The following CHN2 variants were observed in gnomAD, a reference collection of about 807,000 sequenced individuals.
The protein encoded by CHN2 is beta-chimaerin.
Under a neutral mutation model 56.3 loss-of-function variants are expected in CHN2, and 35 were observed. That is an observed-to-expected ratio of 0.62 (90% CI 0.47 to 0.82). CHN2 has a LOEUF of 0.82. Ranked by LOEUF, CHN2 falls within the 40% of genes least tolerant of loss-of-function variation. The probability of loss-of-function intolerance (pLI) is 0.00; values close to 1 mark genes in which losing one functional copy is unlikely to be tolerated. For synonymous variants in CHN2, 210 were observed against 212.8 expected (o/e 0.99, Z 0.12); for missense variants, 491 against 580.5 (o/e 0.85, Z 1.58).
chr7:29,292,842 C>T (rs1792747014), intron 1 of CHN2: 1 of 454,376 alleles, frequency 2.2e-6, no homozygotes, highest in Admixed American at 2.4e-5. Flanking sequence ...GTTGTCACCA[C>T]CCTAGTCTTG....
intron 1 of CHN2, among the ~76,000 whole-genome samples, chr7:29,201,870 C>T (rs1784191478): frequency 1.3e-5 from 2 of 152,156 alleles, no homozygotes; most frequent in South Asian, 4.1e-4. Context: ...TTTAGGTTAT[C>T]TTTTACTAAT....
In CHN2 at chr7:29,269,956, G is replaced by A. The variant is rs150773688; in HGVS notation, c.49+74966G>A. Among the ~76,000 whole-genome samples the A allele has an allele frequency of 2.0e-3, 301 of 152,280 alleles. 3 individuals carry two copies. Among genetic ancestry groups the A allele is most frequent in the African/African-American group, 6.8e-3 (283 of 41,560 alleles). On this transcript the variant is annotated intron_variant, in intron 1 of 12. Transcript: ENST00000222792. ...TGTCCTATCTACCTACCTGCTTCTG[G>A]GGATTGGAGAAATTAATGTAAGTGC...
At chr7:29,393,601 C>T in intron 3 of CHN2, 78 bp from the exon 4 acceptor site, 1 of 644,846 alleles carries the variant, frequency 1.6e-6, no homozygotes, top group Non-Finnish European at 2.5e-6. Context: ...GACCCTAGTT[C>T]TGTTTATTTG....
At chr7:29,384,213 A>C (rs879731476) in intron 3 of CHN2, among the ~76,000 whole-genome samples, 1 of 152,154 alleles carries the variant, frequency 6.6e-6, no homozygotes, top group Non-Finnish European at 1.5e-5. Context: ...AACAATTTTC[A>C]TATCAACCCA....
At chr7:29,270,417 G>A (rs1374600592) in intron 1 of CHN2, among the ~76,000 whole-genome samples, 2 of 118,730 alleles carry the variant, frequency 1.7e-5, no homozygotes, top group African/African-American at 6.8e-5. Context: ...ACTTTGGGAA[G>A]CTGAGATGGG....
chr7:29,236,910 T>C (rs1787236447), intron 1 of CHN2, among the ~76,000 whole-genome samples: 1 of 152,188 alleles, frequency 6.6e-6, no homozygotes, highest in Non-Finnish European at 1.5e-5. Flanking sequence ...TACATTAGGC[T>C]CACCCTGGTA....
chr7:29,172,204 T>TA (rs1431339834), intron 2 of CHN2, among the ~76,000 whole-genome samples: 1 of 152,088 alleles, frequency 6.6e-6, no homozygotes. Flanking sequence ...CATCTTACTG[T>TA]AAATCATTAA....
chr7:29,158,075 A>G (rs62444096), intron 2 of CHN2, among the ~76,000 whole-genome samples: 32,127 of 152,100 alleles, frequency 0.21, 4,313 homozygotes, highest in East Asian at 0.41. Flanking sequence ...AAAAGACACA[A>G]TGAGCTCATC....
chr7:29,278,197 G>A (rs1791384362), intron 1 of CHN2, among the ~76,000 whole-genome samples: 1 of 152,136 alleles, frequency 6.6e-6, no homozygotes, highest in African/African-American at 2.4e-5. Context: ...CAACTGAGGA[G>A]CTTTAAAAAG....
rs74313059 is a variant in CHN2 at position 29,173,949 on chromosome 7, C to CA, written c.274+27003dup. ...CCTGGGTGACAGAGGGAGACTGACT[C>CA]AAAAAAAAAAAAAAGAATTTCTAAA... On this transcript the variant is annotated intron_variant, in intron 2 of 6. Coordinates refer to the CHN2 transcript ENST00000439384. Among the ~76,000 whole-genome samples, 1,024 of 115,652 alleles carry CA rather than the reference C, an allele frequency of 8.9e-3. 8 individuals carry two copies. Among genetic ancestry groups the CA allele is most frequent in the East Asian group, 0.056 (231 of 4,100 alleles). 75.9% of individuals were successfully genotyped at this position (115,652 alleles called of 152,430 possible).
chr7:29,174,301 A>G (rs1293943202), intron 2 of CHN2, among the ~76,000 whole-genome samples: 1 of 152,188 alleles, frequency 6.6e-6, no homozygotes, highest in Non-Finnish European at 1.5e-5. Flanking sequence ...GTCTTTCCAT[A>G]TTTTGGTATG....
At chr7:29,409,571 T>C (rs1277715838) in intron 6 of CHN2, among the ~76,000 whole-genome samples, 2 of 152,314 alleles carry the variant, frequency 1.3e-5, no homozygotes, top group South Asian at 2.1e-4. Flanking sequence ...ATTTGAAGTA[T>C]AGGAAGAAGT....
At chr7:29,185,091 C>T (rs1173711765) in intron 2 of CHN2, among the ~76,000 whole-genome samples, 1 of 152,094 alleles carries the variant, frequency 6.6e-6, no homozygotes, top group African/African-American at 2.4e-5. Context: ...ATTTTTTCTC[C>T]AAACCAATTT....
At chr7:29,328,155 A>G (rs973454373) in intron 1 of CHN2, among the ~76,000 whole-genome samples, 12 of 152,168 alleles carry the variant, frequency 7.9e-5, no homozygotes, top group African/African-American at 2.9e-4. Flanking sequence ...CGGCCTTGTA[A>G]CAGTGACCCT....
chr7:29,157,709 C>T (rs1374346558), intron 2 of CHN2, among the ~76,000 whole-genome samples: 1 of 152,146 alleles, frequency 6.6e-6, no homozygotes, highest in African/African-American at 2.4e-5. Flanking sequence ...CACTCAATGA[C>T]CTGAACAAGA....
At chr7:29,471,572 GA>G (rs1786040031) in intron 6 of CHN2, among the ~76,000 whole-genome samples, 1 of 125,486 alleles carries the variant, frequency 8.0e-6, no homozygotes, top group Non-Finnish European at 1.8e-5. Flanking sequence ...TGACTGTTTT[GA>G]ATGAGGCAAA....
intron 1 of CHN2, among the ~76,000 whole-genome samples, chr7:29,239,607 C>T (rs984084072): frequency 1.3e-5 from 2 of 152,208 alleles, no homozygotes; most frequent in African/African-American, 4.8e-5. Context: ...CACCTCCCTA[C>T]CTTGGCCTAA....
intron 1 of CHN2, among the ~76,000 whole-genome samples, chr7:29,285,231 G>A (rs1031430472): frequency 3.9e-5 from 6 of 152,166 alleles, no homozygotes; most frequent in African/African-American, 7.2e-5. Flanking sequence ...CTGGCTCACC[G>A]TAATTCCCAC....
At chr7:29,241,422 A>C (rs1787672497) in intron 1 of CHN2, among the ~76,000 whole-genome samples, 1 of 152,028 alleles carries the variant, frequency 6.6e-6, no homozygotes, top group South Asian at 2.1e-4. Context: ...TCCCCAATGC[A>C]AACTGTGCAA....
Sources: gnomAD v4.1 joint callset for allele counts (sites outside exome capture counted in the v4.1 genomes callset) on GRCh38, gnomAD v4.1.1 for gene constraint, MANE v1.5 for transcripts, NCBI Gene and HGNC (gene_info 2026-07-23, HGNC 2026-07-21) for gene names.